PLA2G4A: variants seen among roughly 807,000 people sequenced by gnomAD.
The protein encoded by PLA2G4A is phospholipase A2 group IVA, also known as cytosolic phospholipase A2.
PLA2G4A carries 40 observed loss-of-function variants against 81.9 expected under a neutral mutation model. The observed-to-expected ratio is 0.49, with a 90% confidence interval of 0.38 to 0.64. The LOEUF is 0.64. Among genes scored for constraint, PLA2G4A ranks in the 30% least tolerant of loss-of-function variants. The probability of loss-of-function intolerance (pLI) is 0.00; values close to 1 mark genes in which losing one functional copy is unlikely to be tolerated. For synonymous variants in PLA2G4A, 302 were observed against 296.9 expected, an observed-to-expected ratio of 1.02 and a Z score of -0.18; for missense variants, 715 against 905.1, an observed-to-expected ratio of 0.79 and a Z score of 2.69.
chr1:186,939,625 A>G (rs1013583707), intron 9 of PLA2G4A, among the ~76,000 whole-genome samples: 5 of 152,160 alleles, frequency 3.3e-5, no homozygotes, highest in African/African-American at 1.2e-4. Context: ...ATCGCATAGA[A>G]CAGACTCGCT....
At chr1:186,933,654 T>A (rs1186471280) in intron 8 of PLA2G4A, among the ~76,000 whole-genome samples, 1 of 152,178 alleles carries the variant, frequency 6.6e-6, no homozygotes, top group African/African-American at 2.4e-5. Flanking sequence ...CAAGGCCTTT[T>A]TAGTCATTCA....
At chr1:186,971,124 C>T (rs1657341956) in intron 15 of PLA2G4A, among the ~76,000 whole-genome samples, 1 of 151,782 alleles carries the variant, frequency 6.6e-6, no homozygotes, top group Non-Finnish European at 1.5e-5. Context: ...TTTGTAATAA[C>T]ATAATCCCCC....
chr1:186,869,574 G>A (rs1476048889), intron 2 of PLA2G4A, among the ~76,000 whole-genome samples: 1 of 151,870 alleles, frequency 6.6e-6, no homozygotes, highest in Non-Finnish European at 1.5e-5. Context: ...TTGCCTCCTT[G>A]CATTTAGACT....
At chr1:186,971,558 T>C (rs1285913217) in intron 15 of PLA2G4A, among the ~76,000 whole-genome samples, 4 of 151,980 alleles carry the variant, frequency 2.6e-5, no homozygotes, top group African/African-American at 9.7e-5. Context: ...ACACATAATA[T>C]AGTTTTTCTT....
intron 2 of PLA2G4A, among the ~76,000 whole-genome samples, chr1:186,867,741 G>A (rs996327651): frequency 6.6e-6 from 1 of 152,100 alleles, no homozygotes; most frequent in Non-Finnish European, 1.5e-5. Flanking sequence ...ATGTTGAAAA[G>A]GGTGATGACA....
In PLA2G4A at chr1:186,844,489, C is replaced by T. The variant is rs566902360; in HGVS notation, c.-69-9797C>T. On this transcript the variant is annotated intron_variant, in intron 1 of 17. Transcript: ENST00000367466. ...GTGGAGAAAGCTTTGAATTTGGCAG[C>T]GGACAAGTTAGTGTCCAAATGTGTT... Among the ~76,000 whole-genome samples, 27 of 152,274 alleles carry T rather than the reference C, an allele frequency of 1.8e-4. No individual in the cohort carries two copies. The South Asian group carries it at 1.9e-3, about 11-fold the overall frequency.
chr1:186,910,575 G>A (rs1191516907), intron 6 of PLA2G4A, among the ~76,000 whole-genome samples: 4 of 152,014 alleles, frequency 2.6e-5, no homozygotes, highest in East Asian at 1.9e-4. Flanking sequence ...TACTCCCATC[G>A]TTCTTGCAAT....
At chr1:186,868,071 C>CTTTTTTTTTTTTTTTTTTTT (rs59978011) in intron 2 of PLA2G4A, among the ~76,000 whole-genome samples, 1 of 112,926 alleles carries the variant, frequency 8.9e-6, no homozygotes, top group Non-Finnish European at 1.7e-5. Context: ...GTGTATAATT[C>CTTTTTTTTTTTTTTTTTTTT]TTTTTTTTTT....
At chr1:186,942,023 A>G (rs1047307453) in intron 10 of PLA2G4A, among the ~76,000 whole-genome samples, 1 of 152,194 alleles carries the variant, frequency 6.6e-6, no homozygotes, top group Non-Finnish European at 1.5e-5. Context: ...AAAGCTGTAT[A>G]AGAAAAGTCA....
intron 2 of PLA2G4A, 105 bp from the exon 3 acceptor site, chr1:186,870,330 T>G: frequency 1.4e-6 from 1 of 728,862 alleles, no homozygotes; most frequent in African/African-American, 1.7e-5. Flanking sequence ...GTTTCTGGTA[T>G]GCATGCTACT....
chr1:186,927,011 G>C (rs573255958), intron 7 of PLA2G4A, among the ~76,000 whole-genome samples: 7 of 152,102 alleles, frequency 4.6e-5, no homozygotes, highest in Non-Finnish European at 1.0e-4. Flanking sequence ...AAGCCTAAGC[G>C]TTTATTCTCT....
chr1:186,844,280 G>A (rs140417291), intron 1 of PLA2G4A, among the ~76,000 whole-genome samples: 318 of 152,116 alleles, frequency 2.1e-3, no homozygotes, highest in African/African-American at 7.3e-3. Context: ...CCTTTGTGCC[G>A]GTTGGCAATA....
intron 1 of PLA2G4A, among the ~76,000 whole-genome samples, chr1:186,834,433 T>C (rs1036341687): frequency 1.3e-5 from 2 of 152,144 alleles, no homozygotes; most frequent in African/African-American, 4.8e-5. Flanking sequence ...TGTATTTAAA[T>C]GTTTAAATAT....
chr1:186,843,329 C>T (rs371581412), intron 1 of PLA2G4A, among the ~76,000 whole-genome samples: 1 of 152,300 alleles, frequency 6.6e-6, no homozygotes, highest in African/African-American at 2.4e-5. Flanking sequence ...ATTCTAGATT[C>T]TATAAATGTA....
chr1:186,875,216 C>T (rs1173389509), intron 3 of PLA2G4A, among the ~76,000 whole-genome samples: 2 of 152,024 alleles, frequency 1.3e-5, no homozygotes, highest in East Asian at 1.9e-4. Context: ...AGAGCAAAGA[C>T]TTTAAAAATC....
At chr1:186,836,549 C>T (rs1651785009) in intron 1 of PLA2G4A, among the ~76,000 whole-genome samples, 1 of 152,020 alleles carries the variant, frequency 6.6e-6, no homozygotes, top group East Asian at 1.9e-4. Flanking sequence ...TTTTTTAATA[C>T]TTAGAAAAAG....
intron 5 of PLA2G4A, among the ~76,000 whole-genome samples, chr1:186,904,904 G>A (rs1230862724): frequency 6.6e-6 from 1 of 152,016 alleles, no homozygotes; most frequent in Non-Finnish European, 1.5e-5. Flanking sequence ...GCCTAGGCTG[G>A]AGTACAGTGG....
intron 3 of PLA2G4A, among the ~76,000 whole-genome samples, chr1:186,879,846 T>TA (rs11314983): frequency 4.4e-4 from 21 of 47,528 alleles, no homozygotes; most frequent in South Asian, 7.9e-4. Flanking sequence ...TATATATATA[T>TA]TTTTTTATTA....
intron 7 of PLA2G4A, among the ~76,000 whole-genome samples, chr1:186,918,599 C>T (rs191503810): frequency 5.3e-4 from 80 of 152,294 alleles, no homozygotes; most frequent in African/African-American, 1.7e-3. Context: ...AAGCTGCTCC[C>T]GTCCATGTAT....
Sources: allele counts gnomAD v4.1 joint callset (sites outside exome capture counted in the v4.1 genomes callset), GRCh38; gene constraint gnomAD v4.1.1; transcripts MANE v1.5; gene names NCBI Gene and HGNC (gene_info 2026-07-23, HGNC 2026-07-21).